Variants in PLOD3 observed in about 807,000 individuals in gnomAD.
The protein encoded by PLOD3 is multifunctional procollagen lysine hydroxylase and glycosyltransferase LH3.
PLOD3 carries 73 observed loss-of-function variants against 96.9 expected under a neutral mutation model. That is an observed-to-expected ratio of 0.75 (90% CI 0.62 to 0.92). The LOEUF (loss-of-function observed/expected upper bound fraction) is 0.92. PLOD3 is among the 40% of genes least tolerant of loss of function. The pLI is 0.00. For synonymous variants in PLOD3, 454 were observed against 413.7 expected, an observed-to-expected ratio of 1.10 and a Z score of -1.18; for missense variants, 1,004 against 1,004.3, an observed-to-expected ratio of 1.00 and a Z score of 0.00.
At chr7:101,212,059 T>G in intron 10 of PLOD3, 109 bp from the exon 11 acceptor site, 4 of 1,026,154 alleles carry the variant, frequency 3.9e-6, no homozygotes. Context: ...CTATCCTTCC[T>G]TCCCCAGGCT....
chr7:101,206,532 G>A (rs566836287), intron 18 of PLOD3, 96 bp from the exon 19 acceptor site: 77 of 1,176,486 alleles, frequency 6.5e-5, no homozygotes, highest in South Asian at 5.3e-4. Flanking sequence ...CGGGGGGCAC[G>A]GTGCAGCAGA....
Position 101,212,897 on chromosome 7 carries a change from G to A in PLOD3, c.824C>T (p.Pro275Leu), listed in dbSNP as rs751691127. Residue 275 changes from proline (P) to leucine (L), a missense_variant, in exon 8 of 19, where the codon CCT becomes CTT. By Grantham distance (98) the Pro-to-Leu change is moderately conservative (BLOSUM62 -3). Coordinates refer to ENST00000223127, the MANE Select transcript of PLOD3 (RefSeq NM_001084.5). The part of the protein sequence containing the change: ...LGNYVPNGWT[P>L]EGGCGFCNQD... ...GTTGCAGAAGCCACAGCCTCCCTCA[G>A]GAGTCCAGCCATTGGGGACGTAGTT... is the stretch of plus-strand genomic sequence containing the variant. 1 of 1,613,906 alleles carries A rather than the reference G, an allele frequency of 6.2e-7. No homozygotes were observed. Among genetic ancestry groups the A allele is most frequent in the South Asian group, 1.1e-5 (1 of 91,058 alleles).
chr7:101,216,254 G>A lies in PLOD3; in HGVS notation c.411C>T (p.Leu137=), dbSNP rs758081027. ...GCCAGCAGAAGCTCTCTGCAGAGAA[G>A]AGCAGGCGGCTGCCACTCTGGACGA... The part of the protein sequence containing the change: ...KKFVQSGSRL[L]FSAESFCWPE... The change falls in exon 4 of 19, where the codon CTC becomes CTT. Residue 137 remains leucine (L), a synonymous_variant. Transcript: ENST00000223127. The A allele has an allele frequency of 7.6e-5, 122 of 1,613,600 alleles. No individual in the cohort carries two copies. The highest frequency in any genetic ancestry group is 1.6e-4 in the Middle Eastern group (1 of 6,084).
At chr7:101,210,017 T>C (rs1264992787) in intron 15 of PLOD3, 76 bp downstream of exon 15, 3 of 728,376 alleles carry the variant, frequency 4.1e-6, no homozygotes, top group East Asian at 2.7e-5. Context: ...TGTGAAAACT[T>C]TGAATCCAGG....
rs1232078875 is a variant in PLOD3 at position 101,210,513 on chromosome 7, A to G, written c.1500+19T>C. 1.2e-6 allele frequency: 2 copies of G among 1,614,128 alleles called. No individual in the cohort carries two copies. The highest frequency in any genetic ancestry group is 1.7e-5 in the Admixed American group (1 of 60,012). ...GTCTGGGGGACTGCCCCCAGGCCAG[A>G]CCGTGCACCCGCGCTCACCTTGTCT... On this transcript the variant is annotated intron_variant, in intron 13 of 18. Coordinates refer to ENST00000223127, the MANE Select transcript of PLOD3 (RefSeq NM_001084.5).
At chr7:101,206,675 G>T in intron 18 of PLOD3, 104 bp downstream of exon 18, 1 of 1,342,634 alleles carries the variant, frequency 7.4e-7, no homozygotes, top group Non-Finnish European at 1.0e-6. Context: ...AAAGTCACTG[G>T]GAAATGGGCA....
At position 101,213,824 on chromosome 7, in the gene PLOD3, G is replaced by A. The variant is rs185216838; in HGVS notation, c.680-620C>T. ...AGCGATTCTCCTTCCTCAGCCTCCC[G>A]GGTAGCCAGGATTACAGGCGCGCAC... On this transcript the variant is annotated intron_variant, in intron 6 of 18. Transcript: ENST00000223127. Among the ~76,000 whole-genome samples the A allele has an allele frequency of 2.5e-3, 378 of 152,048 alleles. 1 individual carries two copies. Among genetic ancestry groups the A allele is most frequent in the African/African-American group, 8.8e-3 (363 of 41,468 alleles).
chr7:101,217,437 C>T lies in PLOD3; in HGVS notation c.-163G>A, dbSNP rs1242167745. ...CTACGCCCTGAAAAAAAGGCGTATC[C>T]GGAGGCTACAGAAAGCTCCAGATGC... On this transcript the variant is annotated 5_prime_UTR_variant, in exon 1 of 19. Transcript: ENST00000223127. 1.6e-6 allele frequency: 1 copy of T among 618,296 alleles called. No individual in the cohort carries two copies. The highest frequency in any genetic ancestry group is 2.5e-6 in the Non-Finnish European group (1 of 403,396). The allele number at this position is 618,296 out of a possible 1,614,324, so 38.3% of individuals were successfully genotyped here.
rs2116792197 is a variant in PLOD3, at chr7:101,206,368, C to T, written c.2130G>A (p.Leu710=). Residue 710 remains leucine, a synonymous_variant, in exon 19 of 19, where the codon CTG becomes CTA. Coordinates refer to ENST00000223127, the MANE Select transcript of PLOD3 (RefSeq NM_001084.5). The part of the protein sequence containing the change: ...ISSPRKGWAL[L]HPGRLTHYHE... Reference sequence around the variant, plus strand: ...GGTAGTGGGTGAGGCGGCCGGGGTGCAGGAGTGCCCAGCCCTTCCTCGGGG... The same window carrying T: ...GGTAGTGGGTGAGGCGGCCGGGGTGTAGGAGTGCCCAGCCCTTCCTCGGGG... The T allele has an allele frequency of 6.2e-7, 1 of 1,613,656 alleles. No individual in the cohort carries two copies. Among genetic ancestry groups the T allele is most frequent in the Non-Finnish European group, 8.5e-7 (1 of 1,179,698 alleles).
rs1798202943 is a variant in PLOD3, at chr7:101,212,573, A to C, written c.962T>G (p.Leu321Arg). 1 of 1,613,876 alleles carries C rather than the reference A, an allele frequency of 6.2e-7. No individual in the cohort carries two copies. The highest frequency in any genetic ancestry group is 2.2e-5 in the East Asian group (1 of 44,864). The change falls in exon 9 of 19, where the codon CTG (leucine) becomes CGG (arginine). Residue 321 changes from leucine to arginine, a missense_variant. This residue lies in a region of PLOD3 where 690 missense variants were observed against 650.2 expected (regional missense o/e 1.06). Coordinates refer to ENST00000223127, the MANE Select transcript of PLOD3 (RefSeq NM_001084.5). Reference protein sequence around the residue: ...LPRFLQRLLLLDYPPDRVTLF... With the variant: ...LPRFLQRLLLRDYPPDRVTLF... ...GGTGACCCTGTCGGGGGGATAGTCCAGGAGTAGCAGCCGCTGCAGGAAGCG... is the reference window on the plus strand; with the variant it reads ...GGTGACCCTGTCGGGGGGATAGTCCCGGAGTAGCAGCCGCTGCAGGAAGCG...
chr7:101,211,870 A>AG lies in PLOD3; in HGVS notation c.1207dup (p.Leu403ProfsTer6). ...CCTGTTCTCCTCAATGAGGATACGC[A>AG]GGGTCTGCAGGTTGGTGAGGACAGC... On this transcript the variant is annotated frameshift_variant, in exon 11 of 19. Coordinates refer to ENST00000223127, the MANE Select transcript of PLOD3 (RefSeq NM_001084.5). LOFTEE classifies it high-confidence loss of function. 2 of 1,612,532 alleles carry AG rather than the reference A, an allele frequency of 1.2e-6. No homozygotes were observed. The highest frequency in any genetic ancestry group is 1.7e-6 in the Non-Finnish European group (2 of 1,179,272).
chr7:101,207,313 C>T (rs569683479), intron 17 of PLOD3, among the ~76,000 whole-genome samples: 1 of 152,118 alleles, frequency 6.6e-6, no homozygotes, highest in South Asian at 2.1e-4. Flanking sequence ...GGTCCCTGTC[C>T]AGGGAGGGGA....
At position 101,207,585 on chromosome 7, in the gene PLOD3, T is replaced by C. The variant is rs1562891074; in HGVS notation, c.1928A>G (p.His643Arg). Reference sequence around the variant, plus strand: ...GGCAGGTGGGCAGCGCACCTTGGTGTGGTAACCGGGAAACAGGCTCTCGGT... The same window carrying C: ...GGCAGGTGGGCAGCGCACCTTGGTGCGGTAACCGGGAAACAGGCTCTCGGT... ...PMTESLFPGY[H>R]TKARAVMNFV... Residue 643 changes from histidine (H) to arginine (R), a missense_variant, in exon 17 of 19, where the codon CAC becomes CGC. By Grantham distance (29) the His-to-Arg change is conservative (BLOSUM62 0). Coordinates refer to ENST00000223127, the MANE Select transcript of PLOD3 (RefSeq NM_001084.5). The C allele has an allele frequency of 5.0e-6, 8 of 1,613,864 alleles. No homozygotes were observed. The highest frequency in any genetic ancestry group is 6.8e-6 in the Non-Finnish European group (8 of 1,179,890).
At position 101,213,099 on chromosome 7, in the gene PLOD3, G is replaced by C. The variant is rs544056730; in HGVS notation, c.777+8C>G. Reference sequence around the variant, plus strand: ...GGGCGGGGCGGGGGTTGAGACCACTGGTGGCACCTTAGTGGGACCGTTTCC... The same window carrying C: ...GGGCGGGGCGGGGGTTGAGACCACTCGTGGCACCTTAGTGGGACCGTTTCC... On this transcript the variant is annotated splice_region_variant and intron_variant, in intron 7 of 18. Transcript: ENST00000223127. The C allele has an allele frequency of 5.6e-6, 9 of 1,594,588 alleles. No homozygotes were observed. The African/African-American group carries it at 1.2e-4, about 21-fold the overall frequency.
At position 101,215,999 on chromosome 7, in the gene PLOD3, G is replaced by C. The variant is rs201989842; in HGVS notation, c.524C>G (p.Thr175Ser). The change falls in exon 5 of 19, where the codon ACC (threonine) becomes AGC (serine). Residue 175 changes from threonine to serine, a missense_variant. This residue lies in a region of PLOD3 where 690 missense variants were observed against 650.2 expected (regional missense o/e 1.06). Transcript: ENST00000223127. ...NSGGFIGFAT[T>S]IHQIVRQWKY... Reference sequence around the variant, plus strand: ...CCACTGGCGCACGATTTGGTGGATGGTGGTGGCAAAACCGATGAATCCTGG... The same window carrying C: ...CCACTGGCGCACGATTTGGTGGATGCTGGTGGCAAAACCGATGAATCCTGG... 10 of 1,614,066 alleles carry C rather than the reference G, an allele frequency of 6.2e-6. No homozygotes were observed. The East Asian group carries it at 2.2e-4, about 36-fold the overall frequency.
chr7:101,209,502 C>T (rs1258428416), intron 15 of PLOD3, among the ~76,000 whole-genome samples: 7 of 151,778 alleles, frequency 4.6e-5, no homozygotes, highest in Admixed American at 2.0e-4. Flanking sequence ...CTCAGCCTCC[C>T]GAGTAGCTGG....
At chr7:101,213,823 C>T (rs568390898) in intron 6 of PLOD3, among the ~76,000 whole-genome samples, 32 of 152,118 alleles carry the variant, frequency 2.1e-4, no homozygotes, top group Admixed American at 9.8e-4. Flanking sequence ...CTCAGCCTCC[C>T]GGGTAGCCAG....
rs1001154230 is a variant in PLOD3, at chr7:101,215,931, G to A, written c.592C>T (p.Leu198Phe). The stretch of plus-strand genomic sequence containing the variant: ...ACCCTCAGTCCTGGGTCCAGGTAGA[G>A]CCGTGTGTAGAACAGCTGGTCGTCG... ...DDDDQLFYTR[L>F]YLDPGLREKL... The change falls in exon 5 of 19, where the codon CTC becomes TTC. Residue 198 changes from leucine (L) to phenylalanine (F), a missense_variant. Coordinates refer to ENST00000223127, the MANE Select transcript of PLOD3 (RefSeq NM_001084.5). The A allele has an allele frequency of 2.2e-5, 35 of 1,613,066 alleles. No homozygotes were observed. Among genetic ancestry groups the A allele is most frequent in the Non-Finnish European group, 3.0e-5 (35 of 1,179,044 alleles).
chr7:101,212,236 C>G lies in PLOD3; in HGVS notation c.1127+17G>C. ...CAGCCTCATCCCACCCTCTCCTCCC[C>G]GCAAGCACCCGCTCACATGGCCATG... On this transcript the variant is annotated intron_variant, in intron 10 of 18. Coordinates refer to ENST00000223127, the MANE Select transcript of PLOD3 (RefSeq NM_001084.5). 2 of 1,611,222 alleles carry G rather than the reference C, an allele frequency of 1.2e-6. No individual in the cohort carries two copies. The highest frequency in any genetic ancestry group is 1.7e-6 in the Non-Finnish European group (2 of 1,179,878).
Sources: gnomAD v4.1 joint callset for allele counts (sites outside exome capture counted in the v4.1 genomes callset) on GRCh38, gnomAD v4.1.1 for gene constraint, gnomAD v4.1.1 regional missense constraint, MANE v1.5 for transcripts, NCBI Gene and HGNC (gene_info 2026-07-23, HGNC 2026-07-21) for gene names.